Variants in PTPRD observed in about 807,000 individuals in gnomAD.
PTPRD encodes the protein receptor-type tyrosine-protein phosphatase delta.
Under a neutral mutation model 214.5 loss-of-function variants are expected in PTPRD, and 34 were observed. The observed-to-expected ratio is 0.16, with a 90% CI of 0.12 to 0.21. The LOEUF (loss-of-function observed/expected upper bound fraction) is 0.21. PTPRD is among the 10% of genes least tolerant of loss of function. The pLI, the probability that PTPRD is intolerant of heterozygous loss-of-function variation, is 1.00. For synonymous variants in PTPRD, 1,128 were observed against 845.7 expected (o/e 1.33, Z -5.79); for missense variants, 2,545 against 2,398.7 (o/e 1.06, Z -1.27).
At chr9:8,562,808 A>G (rs961985526) in intron 14 of PTPRD, among the ~76,000 whole-genome samples, 1 of 151,700 alleles carries the variant, frequency 6.6e-6, no homozygotes, top group African/African-American at 2.4e-5. Context: ...TTGGTGTTGT[A>G]GCTGAAAAAC....
chr9:9,067,124 T>A (rs1019779944), intron 10 of PTPRD, among the ~76,000 whole-genome samples: 2 of 152,090 alleles, frequency 1.3e-5, no homozygotes, highest in African/African-American at 2.4e-5. Context: ...ATGACTGTAA[T>A]TCTGGTTACT....
At chr9:9,140,269 T>A (rs1054152153) in intron 10 of PTPRD, among the ~76,000 whole-genome samples, 2 of 152,056 alleles carry the variant, frequency 1.3e-5, no homozygotes, top group African/African-American at 2.4e-5. Flanking sequence ...AAATGCAGTG[T>A]TTTATCTTGA....
At chr9:9,717,612 A>C (rs1006646156) in intron 7 of PTPRD, among the ~76,000 whole-genome samples, 4 of 152,248 alleles carry the variant, frequency 2.6e-5, no homozygotes, top group Admixed American at 2.6e-4. Flanking sequence ...ATGATTCAAA[A>C]CAAAGATGTC....
intron 2 of PTPRD, among the ~76,000 whole-genome samples, chr9:10,482,357 C>T (rs1054818676): frequency 1.5e-4 from 22 of 151,676 alleles, no homozygotes; most frequent in African/African-American, 2.2e-4. Flanking sequence ...GGCGACAGAG[C>T]AAGACTCCGT....
intron 3 of PTPRD, among the ~76,000 whole-genome samples, chr9:10,146,052 A>T (rs2154271416): frequency 6.6e-6 from 1 of 151,928 alleles, no homozygotes; most frequent in African/African-American, 2.4e-5. Flanking sequence ...CAGATGTAAT[A>T]TTTTTAGACT....
chr9:10,129,106 A>G (rs1388648078), intron 3 of PTPRD, among the ~76,000 whole-genome samples: 1 of 152,196 alleles, frequency 6.6e-6, no homozygotes, highest in Non-Finnish European at 1.5e-5. Context: ...AACTCCTGAT[A>G]TGAATTAAGA....
chr9:10,098,264 G>A (rs2098513331), intron 3 of PTPRD, among the ~76,000 whole-genome samples: 1 of 148,062 alleles, frequency 6.8e-6, no homozygotes, highest in African/African-American at 2.5e-5. Flanking sequence ...AACACCGCGT[G>A]TTCTCACTCA....
intron 10 of PTPRD, among the ~76,000 whole-genome samples, chr9:9,102,166 T>C (rs890370069): frequency 9.2e-5 from 14 of 152,224 alleles, no homozygotes; most frequent in Admixed American, 9.2e-4. Context: ...TTCATATGTT[T>C]TATAAATATG....
intron 10 of PTPRD, among the ~76,000 whole-genome samples, chr9:9,043,056 G>A (rs938044069): frequency 6.6e-6 from 1 of 152,104 alleles, no homozygotes; most frequent in Non-Finnish European, 1.5e-5. Context: ...GTTCTTTATA[G>A]TTCTCTTGGT....
At chr9:9,739,551 A>C (rs1421582582) in intron 6 of PTPRD, among the ~76,000 whole-genome samples, 1 of 152,042 alleles carries the variant, frequency 6.6e-6, no homozygotes, top group Non-Finnish European at 1.5e-5. Context: ...TAGTGATTTA[A>C]CTGACATTAG....
At chr9:9,330,641 T>C (rs1569567427) in intron 9 of PTPRD, among the ~76,000 whole-genome samples, 1 of 152,058 alleles carries the variant, frequency 6.6e-6, no homozygotes, top group Non-Finnish European at 1.5e-5. Context: ...TATTGATTCA[T>C]TTTTATTAAA....
chr9:8,793,872 T>C (rs1234307995), intron 11 of PTPRD, among the ~76,000 whole-genome samples: 2 of 152,200 alleles, frequency 1.3e-5, no homozygotes, highest in Non-Finnish European at 2.9e-5. Context: ...TAACCACCTG[T>C]CTAAAATCAG....
intron 11 of PTPRD, among the ~76,000 whole-genome samples, chr9:8,745,636 A>C (rs1455640968): frequency 6.6e-6 from 1 of 152,196 alleles, no homozygotes; most frequent in Non-Finnish European, 1.5e-5. Flanking sequence ...AAGTTTATAG[A>C]CGTGCTTGGA....
intron 31 of PTPRD, 109 bp downstream of exon 31, chr9:8,470,886 G>A: frequency 2.2e-6 from 2 of 915,292 alleles, no homozygotes; most frequent in South Asian, 1.4e-5. Context: ...AGCTAGGTAT[G>A]GAGAAGCCAG....
At chr9:8,717,602 T>C (rs61491034) in intron 12 of PTPRD, among the ~76,000 whole-genome samples, 9,419 of 152,244 alleles carry the variant, frequency 0.062, 843 homozygotes, top group African/African-American at 0.2. Context: ...CTGGGTTCCC[T>C]AGTAATTTGT....
chr9:9,601,242 T>G (rs1249731568), intron 7 of PTPRD, among the ~76,000 whole-genome samples: 1 of 151,852 alleles, frequency 6.6e-6, no homozygotes, highest in African/African-American at 2.4e-5. Context: ...TAATTACTTT[T>G]GATAAAAATT....
At chr9:9,848,549 T>A (rs888415564) in intron 5 of PTPRD, among the ~76,000 whole-genome samples, 5 of 152,140 alleles carry the variant, frequency 3.3e-5, no homozygotes, top group African/African-American at 1.2e-4. Context: ...TTGAAGACCT[T>A]GTCCAATATG....
chr9:10,134,664 A>T (rs182609129), intron 3 of PTPRD, among the ~76,000 whole-genome samples: 51 of 152,226 alleles, frequency 3.4e-4, no homozygotes, highest in Non-Finnish European at 6.5e-4. Context: ...TGTATATTCA[A>T]CTTACACCAC....
At chr9:10,463,422 G>C (rs1336924851) in intron 2 of PTPRD, among the ~76,000 whole-genome samples, 1 of 152,054 alleles carries the variant, frequency 6.6e-6, no homozygotes, top group Non-Finnish European at 1.5e-5. Flanking sequence ...TGAAAACACA[G>C]AACACAGAAG....
Sources: gnomAD v4.1 joint callset for allele counts (sites outside exome capture counted in the v4.1 genomes callset) on GRCh38, gnomAD v4.1.1 for gene constraint, MANE v1.5 for transcripts, NCBI Gene and HGNC (gene_info 2026-07-23, HGNC 2026-07-21) for gene names.